Variants in ASTN2 observed in about 807,000 individuals in gnomAD.
The protein encoded by ASTN2 is astrotactin-2.
In ASTN2, 54 loss-of-function variants were observed where a neutral mutation model predicts 139.8. The observed-to-expected ratio is 0.39, with a 90% CI of 0.31 to 0.48. The LOEUF (loss-of-function observed/expected upper bound fraction) is 0.48. ASTN2 is among the 20% of genes least tolerant of loss of function. The probability of loss-of-function intolerance (pLI) is 0.95; values close to 1 mark genes in which losing one functional copy is unlikely to be tolerated. For synonymous variants in ASTN2, 756 were observed against 719.5 expected, an observed-to-expected ratio of 1.05 and a Z score of -0.81; for missense variants, 1,565 against 1,725.1, an observed-to-expected ratio of 0.91 and a Z score of 1.64.
intron 13 of ASTN2, among the ~76,000 whole-genome samples, chr9:116,801,352 G>T (rs972539541): frequency 5.3e-5 from 8 of 151,984 alleles, no homozygotes; most frequent in Admixed American, 1.3e-4. Flanking sequence ...GGAGGCCAAG[G>T]GGGGTGGATC....
intron 20 of ASTN2, among the ~76,000 whole-genome samples, chr9:116,458,424 A>G (rs1848394166): frequency 6.6e-6 from 1 of 151,972 alleles, no homozygotes; most frequent in Non-Finnish European, 1.5e-5. Flanking sequence ...TTCCTCATTT[A>G]CCCTGATGTG....
chr9:116,454,792 G>A (rs914843672), intron 20 of ASTN2, among the ~76,000 whole-genome samples: 4 of 152,164 alleles, frequency 2.6e-5, no homozygotes, highest in Admixed American at 2.0e-4. Flanking sequence ...CGCAAGGACA[G>A]AAAACCAAGC....
Position 116,698,075 on chromosome 9 carries a change from C to A in ASTN2, c.2806+27696G>T. On this transcript the variant is annotated intron_variant, in intron 16 of 22. Transcript: ENST00000313400. The surrounding 1 kb of genome is among the most constrained non-coding windows in gnomAD (Gnocchi z 4.4). ...GTGGGCGGCGTCTGCCCCGGCAATT[C>A]TGCCGGAGCTGTGGTTTGGTGTTAT... The A allele has an allele frequency of 6.2e-7, 1 of 1,614,122 alleles. No individual in the cohort carries two copies.
At chr9:116,630,983 T>C (rs1483408878) in intron 17 of ASTN2, among the ~76,000 whole-genome samples, 3 of 152,080 alleles carry the variant, frequency 2.0e-5, no homozygotes, top group Non-Finnish European at 4.4e-5. Context: ...ATCAGGGAAA[T>C]GCAAATCAAA....
chr9:116,977,917 A>G (rs1004209909), intron 7 of ASTN2, among the ~76,000 whole-genome samples: 2 of 151,780 alleles, frequency 1.3e-5, no homozygotes, highest in African/African-American at 2.4e-5. Context: ...GGGTTTTGTT[A>G]TATTGACCAG....
chr9:116,698,266 A>G lies in ASTN2; in HGVS notation c.2806+27505T>C, dbSNP rs777911858. ...AAGGCAGCCTTGGAAGGTGTCTCCA[A>G]GGACCTTCAGGCAAGGTATAAAGCA... On this transcript the variant is annotated intron_variant, in intron 16 of 22. Transcript: ENST00000313400. The surrounding 1 kb of genome is among the most constrained non-coding windows in gnomAD (Gnocchi z 4.4). The G allele has an allele frequency of 9.3e-6, 15 of 1,614,062 alleles. No homozygotes were observed. Among genetic ancestry groups the G allele is most frequent in the South Asian group, 2.2e-5 (2 of 91,090 alleles).
chr9:116,429,641 T>C (rs1220542901), intron 22 of ASTN2, among the ~76,000 whole-genome samples: 7 of 152,206 alleles, frequency 4.6e-5, no homozygotes. Context: ...ACTCTCATTG[T>C]CATCATCATT....
intron 16 of ASTN2, among the ~76,000 whole-genome samples, chr9:116,702,271 G>T (rs1827845725): frequency 1.3e-5 from 2 of 151,944 alleles, no homozygotes; most frequent in Admixed American, 1.3e-4. Context: ...TTCCATAAAT[G>T]ATGGCTGTTA....
intron 17 of ASTN2, among the ~76,000 whole-genome samples, chr9:116,625,597 T>C (rs1856409919): frequency 1.1e-5 from 1 of 87,070 alleles, no homozygotes; most frequent in African/African-American, 4.2e-5. Flanking sequence ...GCTTGGAGCC[T>C]TTTGAATGTT....
Position 117,082,089 on chromosome 9 carries a change from C to T in ASTN2, c.1276+13955G>A, listed in dbSNP as rs537378229. Among the ~76,000 whole-genome samples, 9 of 152,302 alleles carry T rather than the reference C, an allele frequency of 5.9e-5. No homozygotes were observed. The East Asian group carries it at 7.7e-4, about 13-fold the overall frequency. On this transcript the variant is annotated intron_variant, in intron 5 of 22. Transcript: ENST00000313400. ...CTGGTTACTCATAGAAACTAATACACGACCACAGAGTGCTGACATCCACAC... is the reference window on the plus strand; with the variant it reads ...CTGGTTACTCATAGAAACTAATACATGACCACAGAGTGCTGACATCCACAC...
intron 5 of ASTN2, among the ~76,000 whole-genome samples, chr9:117,068,559 A>T (rs1828018487): frequency 8.8e-6 from 1 of 113,712 alleles, no homozygotes; most frequent in African/African-American, 3.4e-5. Flanking sequence ...TTTTCTATTG[A>T]TTGGAATAGT....
chr9:117,026,047 G>A (rs1838067472), intron 6 of ASTN2, among the ~76,000 whole-genome samples: 1 of 151,966 alleles, frequency 6.6e-6, no homozygotes. Flanking sequence ...TTACAGGCAT[G>A]AGCCACCATG....
chr9:117,201,282 C>A (rs534141952), intron 3 of ASTN2, among the ~76,000 whole-genome samples: 7 of 151,982 alleles, frequency 4.6e-5, no homozygotes, highest in Admixed American at 2.0e-4. Context: ...ATTAGTCTAG[C>A]TAGCAGTCTA....
intron 11 of ASTN2, among the ~76,000 whole-genome samples, chr9:116,862,807 T>TACACAC (rs751612533): frequency 0.031 from 2,782 of 90,858 alleles, 30 homozygotes; most frequent in Middle Eastern, 0.096. Flanking sequence ...CACACACAAA[T>TACACAC]ACACACACAC....
chr9:117,372,514 T>C (rs1420780168), intron 1 of ASTN2, among the ~76,000 whole-genome samples: 1 of 152,140 alleles, frequency 6.6e-6, no homozygotes, highest in Non-Finnish European at 1.5e-5. Flanking sequence ...GCTATGTATA[T>C]TTAGGTAACT....
rs1020218709 is a variant in ASTN2 at position 116,725,820 on chromosome 9, G to A, written c.2757C>T (p.His919=). The A allele has an allele frequency of 1.2e-6, 2 of 1,613,968 alleles. No individual in the cohort carries two copies. The highest frequency in any genetic ancestry group is 8.5e-7 in the Non-Finnish European group (1 of 1,180,010). The part of the protein sequence containing the change: ...LYGSELTCII[H]FPSKKVQQQL... ...GCTGCTGGACCTTCTTGCTGGGAAAGTGGATGATGCAGGTGAGCTCTGAGC... is the reference window on the plus strand; with the variant it reads ...GCTGCTGGACCTTCTTGCTGGGAAAATGGATGATGCAGGTGAGCTCTGAGC... Residue 919 remains histidine, a synonymous_variant, in exon 16 of 23, where the codon CAC becomes CAT. Coordinates refer to ENST00000313400, the MANE Select transcript of ASTN2 (RefSeq NM_001365068.1).
chr9:117,143,744 A>C (rs1466849986), intron 3 of ASTN2, among the ~76,000 whole-genome samples: 2 of 151,966 alleles, frequency 1.3e-5, no homozygotes, highest in Admixed American at 6.6e-5. Context: ...CCTGGCTTAC[A>C]GATGGCCACC....
At chr9:116,465,145 C>A (rs1848612749) in intron 20 of ASTN2, among the ~76,000 whole-genome samples, 3 of 152,204 alleles carry the variant, frequency 2.0e-5, no homozygotes, top group Admixed American at 2.0e-4. Context: ...GTCTGTCTGC[C>A]TCCACCACGA....
chr9:116,836,960 A>G (rs150246236), intron 11 of ASTN2, among the ~76,000 whole-genome samples: 269 of 152,220 alleles, frequency 1.8e-3, no homozygotes, highest in African/African-American at 6.1e-3. Context: ...AATATTTACT[A>G]TATAATCCTT....
Sources: gnomAD v4.1 joint callset for allele counts (sites outside exome capture counted in the v4.1 genomes callset) on GRCh38, gnomAD v4.1.1 for gene constraint, Gnocchi (gnomAD v3.1) non-coding constraint, MANE v1.5 for transcripts, NCBI Gene and HGNC (gene_info 2026-07-23, HGNC 2026-07-21) for gene names.